Variants in ELP6 observed in about 807,000 individuals in gnomAD.
The protein encoded by ELP6 is elongator complex protein 6.
ELP6 carries 23 observed loss-of-function variants against 28.1 expected under a neutral mutation model. That is an observed-to-expected ratio of 0.82 (90% CI 0.59 to 1.16). The LOEUF is 1.16. Among genes scored for constraint, ELP6 ranks in the 50% most tolerant of loss-of-function variants. The pLI is 0.00. For missense variants in ELP6, 313 were observed against 334.6 expected (o/e 0.94, Z 0.50); for synonymous variants, 132 against 135.8 (o/e 0.97, Z 0.19).
chr3:47,510,751 C>A (rs529561657), intron 2 of ELP6, among the ~76,000 whole-genome samples: 1 of 152,196 alleles, frequency 6.6e-6, no homozygotes, highest in Non-Finnish European at 1.5e-5. Flanking sequence ...TGAGCCATTA[C>A]GCCCAGCCAT....
In ELP6 at chr3:47,499,885, G is replaced by A. The variant is rs187552189; in HGVS notation, c.526-1453C>T. 8.8e-4 allele frequency: 1,116 copies of A among 1,266,178 alleles called. 5 individuals are homozygous for A. The highest frequency in any genetic ancestry group is 6.7e-3 in the African/African-American group (434 of 64,410). 78.4% of individuals were successfully genotyped at this position (1,266,178 alleles called of 1,614,324 possible). ...TCCAGGAGAAGCTGCAGTGGGACCC[G>A]GAGGCGAAGCATATGGAGGTGGAGG... On this transcript the variant is annotated intron_variant, in intron 5 of 6. Transcript: ENST00000296149.
intron 4 of ELP6, chr3:47,503,354 T>G: frequency 7.8e-7 from 1 of 1,289,788 alleles, no homozygotes; most frequent in South Asian, 1.2e-5. Context: ...GAGCTATGTT[T>G]GTGGCCAATG....
At position 47,513,601 on chromosome 3, in the gene ELP6, T is replaced by A. The variant is rs1559597238; in HGVS notation, c.-11A>T. The A allele has an allele frequency of 6.2e-7, 1 of 1,613,170 alleles. No individual in the cohort carries two copies. The highest frequency in any genetic ancestry group is 1.7e-5 in the Admixed American group (1 of 59,906). ...AAGTTCCACGAACATTCCGAGCTCC[T>A]GGGACTAGCGCTCTGGAGGAGAACC... On this transcript the variant is annotated 5_prime_UTR_variant, in exon 1 of 7. Transcript: ENST00000296149.
Position 47,511,193 on chromosome 3 carries a change from C to T in ELP6, c.88G>A (p.Asp30Asn), listed in dbSNP as rs200181192. 948 of 1,614,028 alleles carry T rather than the reference C, an allele frequency of 5.9e-4. 1 individual carries two copies. The highest frequency in any genetic ancestry group is 7.6e-4 in the Non-Finnish European group (894 of 1,180,024). ...AAGTGGTGTACAAGGAAACTCCCAT[C>T]TGTCTTGGCATCACAGAGTAGAGTC... ...KLTLLCDAKT[D>N]GSFLVHHFLS... Residue 30 changes from aspartate to asparagine, a missense_variant, in exon 2 of 7, where the codon GAT becomes AAT. Transcript: ENST00000296149.
At chr3:47,501,951 C>T in intron 4 of ELP6, 100 bp from the exon 5 acceptor site, 4 of 1,100,462 alleles carry the variant, frequency 3.6e-6, no homozygotes, top group South Asian at 3.0e-5. Flanking sequence ...GGACAAAGAA[C>T]TGTATCACAA....
At chr3:47,496,255 G>C (rs535065379) in intron 6 of ELP6, 58 bp from the exon 7 acceptor site, 2 of 1,588,476 alleles carry the variant, frequency 1.3e-6, no homozygotes, top group African/African-American at 2.7e-5. Context: ...GCTCCACTGG[G>C]AACCCCACCC....
At chr3:47,499,353 C>T (rs1708571381) in intron 5 of ELP6, among the ~76,000 whole-genome samples, 1 of 152,004 alleles carries the variant, frequency 6.6e-6, no homozygotes, top group Non-Finnish European at 1.5e-5. Flanking sequence ...CCCGTCTCTA[C>T]TAAAAAAACA....
chr3:47,510,688 G>A (rs1708988955), intron 2 of ELP6, among the ~76,000 whole-genome samples: 2 of 152,178 alleles, frequency 1.3e-5, no homozygotes, highest in Non-Finnish European at 2.9e-5. Context: ...TCGAATCCCT[G>A]GCCGCAGCTC....
chr3:47,501,106 A>T (rs1708636654), intron 5 of ELP6, among the ~76,000 whole-genome samples: 1 of 152,194 alleles, frequency 6.6e-6, no homozygotes, highest in Non-Finnish European at 1.5e-5. Flanking sequence ...AGTAGTATTT[A>T]CATCTAAATG....
chr3:47,506,330 C>A (rs1277200388), intron 3 of ELP6, among the ~76,000 whole-genome samples: 1 of 152,146 alleles, frequency 6.6e-6, no homozygotes, highest in Non-Finnish European at 1.5e-5. Context: ...AACATCTTAT[C>A]AGGAGACAGG....
At chr3:47,498,102 G>T in intron 6 of ELP6, 184 bp downstream of exon 6, 2 of 1,360,450 alleles carry the variant, frequency 1.5e-6, no homozygotes, top group Non-Finnish European at 2.0e-6. Flanking sequence ...ACGTGGGCTG[G>T]TCCATGAGGC....
chr3:47,509,913 C>G (rs1386529834), intron 3 of ELP6: 1 of 267,878 alleles, frequency 3.7e-6, no homozygotes, highest in East Asian at 7.7e-5. Context: ...GGGTATGCAC[C>G]ACCACGCCCA....
chr3:47,495,948 G>A lies in ELP6; in HGVS notation c.*121C>T. On this transcript the variant is annotated 3_prime_UTR_variant, in exon 7 of 7. Transcript: ENST00000296149. ...TGCAGCACTCAACCCTCTGGTCACA[G>A]TGGAGTCGCCGGTCCAGCCTGAAAT... is the stretch of plus-strand genomic sequence containing the variant. The A allele has an allele frequency of 6.5e-7, 1 of 1,547,998 alleles. No homozygotes were observed.
intron 2 of ELP6, 94 bp downstream of exon 2, chr3:47,511,054 T>C: frequency 3.7e-6 from 4 of 1,079,622 alleles, no homozygotes; most frequent in Non-Finnish European, 4.2e-6. Context: ...GCTTGGCTTG[T>C]AAATGCTGTT....
chr3:47,500,019 C>T lies in ELP6; in HGVS notation c.526-1587G>A, dbSNP rs374121118. 4.1e-4 allele frequency: 533 copies of T among 1,299,324 alleles called. 3 individuals are homozygous for T. In the South Asian group the frequency reaches 6.4e-3, roughly 16 times the overall value. The allele number at this position is 1,299,324 out of a possible 1,614,324, so 80.5% of individuals were successfully genotyped here. A position where few individuals can be genotyped will look rare whatever the true frequency, so the allele number is the denominator to read the frequency against. On this transcript the variant is annotated intron_variant, in intron 5 of 6. Coordinates refer to ENST00000296149, the MANE Select transcript of ELP6 (RefSeq NM_001031703.3). Reference sequence around the variant, plus strand: ...CACTGGCGGGTAAATATGTGGCTAGCTGGAGGCTCTCGCACATCCATGCTT... The same window carrying T: ...CACTGGCGGGTAAATATGTGGCTAGTTGGAGGCTCTCGCACATCCATGCTT...
At position 47,510,261 on chromosome 3, in the gene ELP6, A is replaced by G; in HGVS notation, c.134-7T>C. 1 of 1,611,120 alleles carries G rather than the reference A, an allele frequency of 6.2e-7. No individual in the cohort carries two copies. Among genetic ancestry groups the G allele is most frequent in the African/African-American group, 1.3e-5 (1 of 74,998 alleles). Reference sequence around the variant, plus strand: ...AAGCAGACTTTACAATTAGCTAGAAAACAAAACAATTATTTTAAATAAATC... The same window carrying G: ...AAGCAGACTTTACAATTAGCTAGAAGACAAAACAATTATTTTAAATAAATC... On this transcript the variant is annotated splice_polypyrimidine_tract_variant and splice_region_variant and intron_variant, in intron 2 of 6. Transcript: ENST00000296149.
Position 47,495,893 on chromosome 3 carries a change from G to A in ELP6, c.*176C>T. Reference sequence around the variant, plus strand: ...TGTGGTCCCTTGTGTTTTCTGAACAGGGCCCAGGGCAGCCAAGGCATGCCA... The same window carrying A: ...TGTGGTCCCTTGTGTTTTCTGAACAAGGCCCAGGGCAGCCAAGGCATGCCA... On this transcript the variant is annotated 3_prime_UTR_variant, in exon 7 of 7. Transcript: ENST00000296149. The A allele has an allele frequency of 2.8e-6, 3 of 1,064,610 alleles. No homozygotes were observed. Among genetic ancestry groups the A allele is most frequent in the Non-Finnish European group, 1.3e-6 (1 of 763,602 alleles). 65.9% of individuals were successfully genotyped at this position (1,064,610 alleles called of 1,614,324 possible).
At chr3:47,498,577 G>A in intron 5 of ELP6, 145 bp from the exon 6 acceptor site, 1 of 1,493,754 alleles carries the variant, frequency 6.7e-7, no homozygotes, top group Non-Finnish European at 8.9e-7. Flanking sequence ...GCCCCTACCT[G>A]TGCTCCCAGA....
At chr3:47,509,244 G>A (rs1708940600) in intron 3 of ELP6, among the ~76,000 whole-genome samples, 2 of 152,132 alleles carry the variant, frequency 1.3e-5, no homozygotes, top group Admixed American at 1.3e-4. Context: ...TTACAGGCAT[G>A]AGCCACCACG....
Sources: allele counts gnomAD v4.1 joint callset (sites outside exome capture counted in the v4.1 genomes callset), GRCh38; gene constraint gnomAD v4.1.1; transcripts MANE v1.5; gene names NCBI Gene and HGNC (gene_info 2026-07-23, HGNC 2026-07-21).